MRPL43: variants seen among roughly 807,000 people sequenced by gnomAD.
MRPL43 encodes mitochondrial ribosomal protein L43.
Under a neutral mutation model 12.7 loss-of-function variants are expected in MRPL43, and 9 were observed. That is an observed-to-expected ratio of 0.71 (90% CI 0.43 to 1.24). MRPL43 has a LOEUF of 1.24. MRPL43 is among the 50% of genes most tolerant of loss of function. MRPL43 has a pLI of 0.00. For missense variants in MRPL43, 211 were observed against 229.2 expected, an observed-to-expected ratio of 0.92 and a Z score of 0.51; for synonymous variants, 116 against 96.4, an observed-to-expected ratio of 1.20 and a Z score of -1.19.
downstream of MRPL43, chr10:100,986,254 T>G: frequency 7.7e-7 from 1 of 1,307,112 alleles, no homozygotes; most frequent in South Asian, 1.8e-5. Context: ...TATGCACACA[T>G]TTTGAAGACA....
At chr10:100,983,148 C>A (rs1851197887), downstream of MRPL43, among the ~76,000 whole-genome samples, 4 of 152,222 alleles carry the variant, frequency 2.6e-5, no homozygotes, top group Admixed American at 2.0e-4. Context: ...CAACGTGAAC[C>A]TTCTGTGGAA....
chr10:100,977,954 A>C, downstream of MRPL43: 1 of 578,620 alleles, frequency 1.7e-6, no homozygotes, highest in Non-Finnish European at 3.1e-6. Flanking sequence ...TCCTCCCCCT[A>C]ATCACCTCCA....
downstream of MRPL43, chr10:100,986,212 A>C (rs918760679): frequency 1.0e-6 from 1 of 977,400 alleles, no homozygotes; most frequent in African/African-American, 1.7e-5. Context: ...GTCTAGTTTT[A>C]AAATAATGAA....
chr10:100,986,667 AG>A lies in MRPL43; in HGVS notation c.*66del. ...CATTTGCCTGGGCTTGGAATCCCAA[AG>A]GGGAAGAACCACCTTTACCGGAGTA... On this transcript the variant is annotated 3_prime_UTR_variant, in exon 3 of 3. Transcript: ENST00000318364. The A allele has an allele frequency of 6.2e-7, 1 of 1,613,906 alleles. No homozygotes were observed. Among genetic ancestry groups the A allele is most frequent in the Non-Finnish European group, 8.5e-7 (1 of 1,179,920 alleles).
chr10:100,977,841 T>A (rs867536725), downstream of MRPL43: 3 of 926,346 alleles, frequency 3.2e-6, no homozygotes, highest in African/African-American at 3.2e-5. Context: ...GATGGTTTAT[T>A]AAGGGGACTT....
At chr10:100,984,566 C>T, downstream of MRPL43, 1 of 1,536,186 alleles carries the variant, frequency 6.5e-7, no homozygotes, top group Non-Finnish European at 8.7e-7. Flanking sequence ...GTCCTGAAAC[C>T]AGACAAGACC....
downstream of MRPL43, chr10:100,983,227 G>A: frequency 7.0e-7 from 1 of 1,426,716 alleles, no homozygotes; most frequent in Non-Finnish European, 9.3e-7. Context: ...CAGGGACTTG[G>A]CAGTGAACAG....
chr10:100,984,935 G>GT, downstream of MRPL43: 1 of 1,436,846 alleles, frequency 7.0e-7, no homozygotes, highest in Non-Finnish European at 9.1e-7. Flanking sequence ...TGCACATGTG[G>GT]TAACACACAC....
downstream of MRPL43, chr10:100,984,934 G>A (rs1851361189): frequency 6.9e-7 from 1 of 1,438,924 alleles, no homozygotes; most frequent in Non-Finnish European, 9.1e-7. Flanking sequence ...ATGCACATGT[G>A]GTAACACACA....
rs181496821 is a variant in MRPL43, at chr10:100,986,309, A to T, written c.*425T>A. ...GATAAGTTTATTAACCTGTTTTATA[A>T]ATCTGTATTCACACAGATATAAAGT... On this transcript the variant is annotated 3_prime_UTR_variant, in exon 3 of 3. Transcript: ENST00000318364. The T allele has an allele frequency of 2.0e-3, 2,832 of 1,395,696 alleles. 4 individuals carry two copies. Among genetic ancestry groups the T allele is most frequent in the Non-Finnish European group, 2.4e-3 (2,581 of 1,081,458 alleles). The allele number at this position is 1,395,696 out of a possible 1,614,324, so 86.5% of individuals were successfully genotyped here. A position where few individuals can be genotyped will look rare whatever the true frequency, so the allele number is the denominator to read the frequency against.
At chr10:100,984,569 A>T (rs1212785459), downstream of MRPL43, 1 of 1,536,146 alleles carries the variant, frequency 6.5e-7, no homozygotes, top group Non-Finnish European at 8.7e-7. Flanking sequence ...CTGAAACCAG[A>T]CAAGACCTCT....
At chr10:100,977,915 T>G (rs923257764), downstream of MRPL43, 1 of 601,200 alleles carries the variant, frequency 1.7e-6, no homozygotes, top group East Asian at 2.8e-5. Flanking sequence ...GTAAAAACCA[T>G]GCAGTTTTTA....
downstream of MRPL43, chr10:100,980,052 G>A: frequency 1.2e-6 from 2 of 1,613,694 alleles, no homozygotes; most frequent in Non-Finnish European, 1.7e-6. Context: ...GGGTCAAAGG[G>A]TCTGGCCTTG....
At chr10:100,979,786 C>A, downstream of MRPL43, 1 of 1,591,514 alleles carries the variant, frequency 6.3e-7, no homozygotes, top group Non-Finnish European at 8.5e-7. Context: ...AGGCTGAGCA[C>A]GAGTTGGGGG....
rs761716043 is a variant in MRPL43 at position 100,987,201 on chromosome 10, G to A, written c.132-5C>T. 6.2e-7 allele frequency: 1 copy of A among 1,613,782 alleles called. No homozygotes were observed. The highest frequency in any genetic ancestry group is 2.2e-5 in the East Asian group (1 of 44,880). ...ACCTCCCGCTCCACGAACTCCCTAA[G>A]CGACCCGGGACAGTGAGCAGTATGA... On this transcript the variant is annotated splice_region_variant and splice_polypyrimidine_tract_variant and intron_variant, in intron 1 of 2. Transcript: ENST00000318364.
At chr10:100,980,839 G>A, downstream of MRPL43, 1 of 1,579,584 alleles carries the variant, frequency 6.3e-7, no homozygotes, top group South Asian at 1.2e-5. Context: ...TCTATGTGGG[G>A]GCTCCTAGCG....
downstream of MRPL43, chr10:100,981,230 G>GT (rs1698707530): frequency 6.2e-7 from 1 of 1,614,124 alleles, no homozygotes; most frequent in Non-Finnish European, 8.5e-7. Flanking sequence ...AGGGATACAG[G>GT]TAAGTGACTC....
At chr10:100,979,115 GGAA>G, downstream of MRPL43, 1 of 1,614,120 alleles carries the variant, frequency 6.2e-7, no homozygotes, top group Non-Finnish European at 8.5e-7. Flanking sequence ...GACCTGGGAG[GGAA>G]GAAGATCCTG....
At chr10:100,984,361 G>A, downstream of MRPL43, 2 of 1,444,812 alleles carry the variant, frequency 1.4e-6, no homozygotes, top group Admixed American at 2.7e-5. Flanking sequence ...CTCAGAGGTA[G>A]GTGCTCCCTC....
Sources: gnomAD v4.1 joint callset for allele counts (sites outside exome capture counted in the v4.1 genomes callset) on GRCh38, gnomAD v4.1.1 for gene constraint, MANE v1.5 for transcripts, NCBI Gene and HGNC (gene_info 2026-07-23, HGNC 2026-07-21) for gene names.